MYO5B: variants seen among roughly 807,000 people sequenced by gnomAD.
MYO5B encodes myosin VB.
A neutral mutation model predicts 229.3 loss-of-function variants in MYO5B; 143 were observed. The observed-to-expected ratio is 0.62, with a 90% CI of 0.54 to 0.72. The LOEUF (loss-of-function observed/expected upper bound fraction) is 0.72. Among genes scored for constraint, MYO5B ranks in the 30% least tolerant of loss-of-function variants. MYO5B has a pLI of 0.00. For missense variants in MYO5B, 2,321 were observed against 2,331.0 expected, an observed-to-expected ratio of 1.00 and a Z score of 0.09; for synonymous variants, 918 against 885.2, an observed-to-expected ratio of 1.04 and a Z score of -0.66.
chr18:50,148,741 A>G (rs1350739760), intron 1 of MYO5B, among the ~76,000 whole-genome samples: 12 of 149,528 alleles, frequency 8.0e-5, no homozygotes, highest in African/African-American at 2.9e-4. Flanking sequence ...TGAATGGGCA[A>G]AAACTGGAAG....
intron 1 of MYO5B, among the ~76,000 whole-genome samples, chr18:50,079,152 C>T (rs758425425): frequency 5.9e-5 from 9 of 152,186 alleles, no homozygotes; most frequent in Admixed American, 2.0e-4. Context: ...CTAGTTACAT[C>T]GGTGGGTTCA....
intron 9 of MYO5B, among the ~76,000 whole-genome samples, chr18:49,978,797 C>T (rs1047813645): frequency 6.6e-6 from 1 of 151,368 alleles, no homozygotes; most frequent in Non-Finnish European, 1.5e-5. Context: ...GAAGAAGTGA[C>T]CTGTGAAGGG....
At chr18:49,899,493 T>C (rs1398855384) in intron 21 of MYO5B, among the ~76,000 whole-genome samples, 1 of 152,206 alleles carries the variant, frequency 6.6e-6, no homozygotes, top group Non-Finnish European at 1.5e-5. Flanking sequence ...TCCCTTGGAC[T>C]GAGGAGTTCT....
At chr18:49,834,281 TC>T (rs1371674880) in intron 39 of MYO5B, among the ~76,000 whole-genome samples, 2 of 152,304 alleles carry the variant, frequency 1.3e-5, no homozygotes, top group East Asian at 3.9e-4. Context: ...TTCCTGACTC[TC>T]CCTCTGATGA....
intron 1 of MYO5B, among the ~76,000 whole-genome samples, chr18:50,080,915 T>G (rs56000363): frequency 0.11 from 16,211 of 152,178 alleles, 1,686 homozygotes; most frequent in African/African-American, 0.27. Context: ...GTCCCACTCT[T>G]TGGGAGGTTC....
intron 1 of MYO5B, among the ~76,000 whole-genome samples, chr18:50,095,679 A>G (rs1413099717): frequency 1.3e-5 from 2 of 152,204 alleles, no homozygotes; most frequent in African/African-American, 2.4e-5. Flanking sequence ...GGATACAGTT[A>G]AGTGAACGAG....
At chr18:50,183,335 A>ATATATATC (rs1555667480) in intron 1 of MYO5B, among the ~76,000 whole-genome samples, 1 of 138,626 alleles carries the variant, frequency 7.2e-6, no homozygotes, top group Non-Finnish European at 1.6e-5. Context: ...ATATATATAT[A>ATATATATC]TATCTCCTTC....
intron 1 of MYO5B, among the ~76,000 whole-genome samples, chr18:50,095,125 T>C (rs1353187858): frequency 6.6e-6 from 1 of 152,184 alleles, no homozygotes; most frequent in Non-Finnish European, 1.5e-5. Flanking sequence ...CCACCACAAC[T>C]GGCCGAAATC....
At chr18:49,842,298 G>A (rs989240418) in intron 34 of MYO5B, among the ~76,000 whole-genome samples, 39 of 152,224 alleles carry the variant, frequency 2.6e-4, no homozygotes, top group African/African-American at 7.9e-4. Flanking sequence ...TGAGAGCCAC[G>A]AGCATGCAGA....
At chr18:50,058,884 G>A (rs2721086) in intron 1 of MYO5B, among the ~76,000 whole-genome samples, 143,154 of 152,234 alleles carry the variant, frequency 0.94, 67,872 homozygotes, top group East Asian at 1. Context: ...CTCTGTCCTT[G>A]TACTTACTAT....
At chr18:50,132,669 G>T (rs1262538410) in intron 1 of MYO5B, among the ~76,000 whole-genome samples, 12 of 152,176 alleles carry the variant, frequency 7.9e-5, no homozygotes, top group Admixed American at 7.9e-4. Context: ...TGCCTGCTCA[G>T]AATTAGCCCA....
intron 4 of MYO5B, among the ~76,000 whole-genome samples, chr18:50,020,351 CCCA>C (rs1280492639): frequency 9.8e-5 from 15 of 152,308 alleles, no homozygotes; most frequent in Admixed American, 9.2e-4. Flanking sequence ...CCCTCAACTT[CCCA>C]CCACCACATG....
chr18:49,902,754 C>G lies in MYO5B; in HGVS notation c.2651G>C (p.Arg884Pro), dbSNP rs375546772. ...ACACTGGATGACAATGGCTGCATCC[C>G]GCAGCCGCTGGAAGTGCCTGCGTGC... ...WMARRHFQRL[R>P]DAAIVIQCAF... is the part of the protein sequence containing the mutation. The change falls in exon 21 of 40, where the codon CGG becomes CCG. Residue 884 changes from arginine (R) to proline (P), a missense_variant. Arg to Pro is a moderately radical substitution (Grantham distance 103). Coordinates refer to ENST00000285039, the MANE Select transcript of MYO5B (RefSeq NM_001080467.3). 2.5e-6 allele frequency: 4 copies of G among 1,607,292 alleles called. No homozygotes were observed. The South Asian group carries it at 3.3e-5, about 13-fold the overall frequency.
chr18:49,912,943 T>C (rs973646125), intron 17 of MYO5B, among the ~76,000 whole-genome samples: 1 of 152,250 alleles, frequency 6.6e-6, no homozygotes, highest in East Asian at 1.9e-4. Flanking sequence ...TGCAGAAATA[T>C]GTACATTAAC....
chr18:49,832,965 G>A (rs1037419010), intron 39 of MYO5B, among the ~76,000 whole-genome samples: 1 of 152,034 alleles, frequency 6.6e-6, no homozygotes. Flanking sequence ...CCTATCACAA[G>A]GCATATGTAT....
chr18:50,124,773 C>T (rs1295202954), intron 1 of MYO5B, among the ~76,000 whole-genome samples: 5 of 151,998 alleles, frequency 3.3e-5, no homozygotes, highest in Non-Finnish European at 7.4e-5. Context: ...CGCCCCACCC[C>T]GCTTGATCAT....
chr18:49,984,213 G>C (rs2025846226), intron 8 of MYO5B, among the ~76,000 whole-genome samples: 1 of 152,212 alleles, frequency 6.6e-6, no homozygotes, highest in Non-Finnish European at 1.5e-5. Flanking sequence ...CTTGTTTGAA[G>C]GATTCCAACG....
rs572065903 is a variant in MYO5B at position 50,106,401 on chromosome 18, C to A, written c.28-51023G>T. ...ATGCCCTCCTCACTGTTCTTGGGAC[C>A]CAAGTCCTAGTGTGTCAAAGGGGTC... is the stretch of plus-strand genomic sequence containing the variant. On this transcript the variant is annotated intron_variant, in intron 1 of 39. Transcript: ENST00000285039. Among the ~76,000 whole-genome samples the A allele has an allele frequency of 7.2e-5, 11 of 152,310 alleles. No individual in the cohort carries two copies. In the South Asian group the frequency reaches 1.0e-3, roughly 14 times the overall value.
chr18:49,963,431 T>A (rs542771025), intron 10 of MYO5B, among the ~76,000 whole-genome samples: 2,318 of 151,524 alleles, frequency 0.015, 44 homozygotes, highest in African/African-American at 0.052. Flanking sequence ...TTTATTTATT[T>A]ATTTATTTTG....
Sources: gnomAD v4.1 joint callset for allele counts (sites outside exome capture counted in the v4.1 genomes callset) on GRCh38, gnomAD v4.1.1 for gene constraint, MANE v1.5 for transcripts, NCBI Gene and HGNC (gene_info 2026-07-23, HGNC 2026-07-21) for gene names.